The following DLG2 variants were observed in gnomAD, a reference collection of about 807,000 sequenced individuals.
The protein encoded by DLG2 is discs large MAGUK scaffold protein 2, also known as disks large homolog 2.
DLG2 carries 45 observed loss-of-function variants against 132.5 expected under a neutral mutation model. That is an observed-to-expected ratio of 0.34 (90% CI 0.27 to 0.44). The LOEUF (loss-of-function observed/expected upper bound fraction) is 0.44. Among genes scored for constraint, DLG2 ranks in the 20% least tolerant of loss-of-function variants. The pLI is 1.00. For missense variants in DLG2, 1,045 were observed against 1,196.9 expected (o/e 0.87, Z 1.87); for synonymous variants, 424 against 419.6 (o/e 1.01, Z -0.13).
chr11:83,840,376 T>C (rs1045116466), intron 16 of DLG2, among the ~76,000 whole-genome samples: 5 of 152,204 alleles, frequency 3.3e-5, no homozygotes, highest in African/African-American at 1.2e-4. Flanking sequence ...ACTCCCACAG[T>C]GATTAAGGTC....
At chr11:84,236,582 C>T (rs972587356) in intron 8 of DLG2, among the ~76,000 whole-genome samples, 6 of 152,216 alleles carry the variant, frequency 3.9e-5, no homozygotes, top group Non-Finnish European at 5.9e-5. Context: ...AGCAGAACAA[C>T]CCTTGGAGGG....
At chr11:84,777,697 T>C (rs2070922213) in intron 6 of DLG2, among the ~76,000 whole-genome samples, 1 of 152,062 alleles carries the variant, frequency 6.6e-6, no homozygotes, top group Admixed American at 6.6e-5. Flanking sequence ...TGGTTTTAAT[T>C]TGCTTTTCTT....
At chr11:85,380,263 C>T (rs909980621) in intron 3 of DLG2, among the ~76,000 whole-genome samples, 2 of 152,224 alleles carry the variant, frequency 1.3e-5, no homozygotes, top group African/African-American at 4.8e-5. Context: ...AATTCTCCCT[C>T]AATATTCCCT....
chr11:84,307,001 G>A (rs1036941364), intron 7 of DLG2, among the ~76,000 whole-genome samples: 11 of 152,126 alleles, frequency 7.2e-5, no homozygotes, highest in Non-Finnish European at 1.3e-4. Context: ...GTATATACCC[G>A]AAGGAATATA....
chr11:84,179,498 G>A (rs1398689343), intron 8 of DLG2, among the ~76,000 whole-genome samples: 1 of 152,126 alleles, frequency 6.6e-6, no homozygotes, highest in East Asian at 1.9e-4. Context: ...ATTGTTAGAT[G>A]CTCAATGTGA....
At chr11:85,575,689 G>A (rs192537883) in intron 3 of DLG2, among the ~76,000 whole-genome samples, 1 of 152,040 alleles carries the variant, frequency 6.6e-6, no homozygotes, top group Non-Finnish European at 1.5e-5. Flanking sequence ...CACTGTCTCA[G>A]CTCCCTCAAG....
intron 8 of DLG2, among the ~76,000 whole-genome samples, chr11:84,205,325 G>C (rs1016924440): frequency 2.0e-5 from 3 of 152,072 alleles, no homozygotes; most frequent in African/African-American, 7.2e-5. Flanking sequence ...TTGAGTAATT[G>C]AGTGAACAAG....
At chr11:84,090,604 T>C (rs1225720040) in intron 10 of DLG2, among the ~76,000 whole-genome samples, 2 of 152,126 alleles carry the variant, frequency 1.3e-5, no homozygotes, top group Admixed American at 6.5e-5. Context: ...AAATTACATA[T>C]GTGAAACCAC....
At chr11:85,470,830 T>C (rs2092962321) in intron 3 of DLG2, among the ~76,000 whole-genome samples, 1 of 152,198 alleles carries the variant, frequency 6.6e-6, no homozygotes. Context: ...GGAAGTTAAA[T>C]GATGACAGAA....
intron 7 of DLG2, among the ~76,000 whole-genome samples, chr11:84,405,533 A>G (rs1322089260): frequency 6.6e-6 from 1 of 152,204 alleles, no homozygotes; most frequent in African/African-American, 2.4e-5. Context: ...TTGATTTCAT[A>G]CATTCCATAT....
At chr11:84,395,590 GTA>G (rs1280897439) in intron 7 of DLG2, among the ~76,000 whole-genome samples, 3 of 151,990 alleles carry the variant, frequency 2.0e-5, no homozygotes, top group African/African-American at 7.2e-5. Flanking sequence ...TCTAATTTTT[GTA>G]TGTTTTCTAA....
intron 15 of DLG2, among the ~76,000 whole-genome samples, chr11:83,926,680 T>C (rs1259338139): frequency 6.6e-6 from 1 of 152,136 alleles, no homozygotes; most frequent in Non-Finnish European, 1.5e-5. Flanking sequence ...ACTGTGAAGA[T>C]AGTAGATTGG....
chr11:83,604,364 T>C (rs950624409), intron 19 of DLG2, among the ~76,000 whole-genome samples: 5 of 152,226 alleles, frequency 3.3e-5, no homozygotes, highest in African/African-American at 9.6e-5. Context: ...GTTCTTGGAA[T>C]AAAACTTCTG....
intron 18 of DLG2, among the ~76,000 whole-genome samples, chr11:83,665,187 G>GTT (rs1177242307): frequency 2.0e-5 from 3 of 152,230 alleles, no homozygotes; most frequent in Non-Finnish European, 2.9e-5. Flanking sequence ...GCCTTAGAAA[G>GTT]AGGTGCCAAG....
At chr11:84,288,491 A>C (rs182171375) in intron 7 of DLG2, among the ~76,000 whole-genome samples, 434 of 152,242 alleles carry the variant, frequency 2.9e-3, no homozygotes, top group Non-Finnish European at 5.0e-3. Flanking sequence ...ATTTGTTAAA[A>C]TAAGTATTTA....
At chr11:84,366,235 A>G (rs1018201361) in intron 7 of DLG2, among the ~76,000 whole-genome samples, 5 of 152,092 alleles carry the variant, frequency 3.3e-5, no homozygotes, top group African/African-American at 1.2e-4. Flanking sequence ...TGAAGGAGAA[A>G]TAAAATACTT....
intron 7 of DLG2, among the ~76,000 whole-genome samples, chr11:84,255,016 C>T (rs778055678): frequency 1.3e-5 from 2 of 152,198 alleles, no homozygotes; most frequent in Non-Finnish European, 2.9e-5. Flanking sequence ...TGCTGCTACA[C>T]CAGGCTCTCT....
chr11:85,351,374 C>T (rs184674534), intron 3 of DLG2, among the ~76,000 whole-genome samples: 1 of 152,318 alleles, frequency 6.6e-6, no homozygotes, highest in East Asian at 1.9e-4. Flanking sequence ...AATTTCACTT[C>T]CTCATTTCCT....
intron 11 of DLG2, among the ~76,000 whole-genome samples, chr11:84,026,491 C>T (rs1173219614): frequency 6.6e-6 from 1 of 152,020 alleles, no homozygotes; most frequent in South Asian, 2.1e-4. Context: ...AATGGAGGAT[C>T]AGAGAAATAA....
Sources: allele counts gnomAD v4.1 joint callset (sites outside exome capture counted in the v4.1 genomes callset), GRCh38; gene constraint gnomAD v4.1.1; transcripts MANE v1.5; gene names NCBI Gene and HGNC (gene_info 2026-07-23, HGNC 2026-07-21).